INCENP: variants seen among roughly 807,000 people sequenced by gnomAD.
The protein encoded by INCENP is binds and activates aurora-B and -C in vivo and in vitro.
INCENP carries 43 observed loss-of-function variants against 107.3 expected under a neutral mutation model. That is an observed-to-expected ratio of 0.40 (90% CI 0.31 to 0.52). INCENP has a LOEUF of 0.52. INCENP is among the 20% of genes least tolerant of loss of function. INCENP has a pLI of 0.53. For synonymous variants in INCENP, 488 were observed against 494.4 expected, an observed-to-expected ratio of 0.99 and a Z score of 0.17; for missense variants, 1,089 against 1,250.9, an observed-to-expected ratio of 0.87 and a Z score of 1.95.
intron 1 of INCENP, among the ~76,000 whole-genome samples, 178 bp downstream of exon 1, chr11:62,124,341 C>T (rs765670371): frequency 3.3e-5 from 5 of 152,202 alleles, no homozygotes; most frequent in Non-Finnish European, 5.9e-5. Flanking sequence ...GTTCTCGGGC[C>T]CGAGATGCCT....
rs1943861824 is a variant in INCENP, at chr11:62,130,338, G to C, written c.811G>C (p.Ala271Pro). The C allele has an allele frequency of 6.2e-7, 1 of 1,611,758 alleles. No individual in the cohort carries two copies. The highest frequency in any genetic ancestry group is 8.5e-7 in the Non-Finnish European group (1 of 1,179,982). The change falls in exon 4 of 19, where the codon GCC becomes CCC. Residue 271 changes from alanine to proline, a missense_variant. Physicochemically the swap from Ala to Pro is conservative, Grantham distance 27. Coordinates refer to ENST00000394818, the MANE Select transcript of INCENP (RefSeq NM_001040694.2). Reference protein sequence around the residue: ...QVSPGPRDSPAFPDSPWRERV... With the variant: ...QVSPGPRDSPPFPDSPWRERV... ...CTCCCCTGGCCCACGGGACTCGCCA[G>C]CCTTTCCAGATTCTCCATGGCGGGA... is the stretch of plus-strand genomic sequence containing the variant.
intron 2 of INCENP, 114 bp from the exon 3 acceptor site, chr11:62,128,656 G>A (rs1943810836): frequency 2.6e-6 from 2 of 768,394 alleles, no homozygotes; most frequent in Non-Finnish European, 4.6e-6. Context: ...CTTGGTGCTG[G>A]ACACCCCAGC....
rs775596851 is a variant in INCENP at position 62,140,700 on chromosome 11, G to A, written c.1344-4G>A. 1 of 1,558,298 alleles carries A rather than the reference G, an allele frequency of 6.4e-7. No homozygotes were observed. The highest frequency in any genetic ancestry group is 8.7e-7 in the Non-Finnish European group (1 of 1,152,434). Reference sequence around the variant, plus strand: ...CTGTGATGCCGCCGCCCGCGCCTTGGCAGGAGGAAGCGCAGCTACAAGCAG... The same window carrying A: ...CTGTGATGCCGCCGCCCGCGCCTTGACAGGAGGAAGCGCAGCTACAAGCAG... On this transcript the variant is annotated splice_polypyrimidine_tract_variant and splice_region_variant and intron_variant, in intron 8 of 18. Transcript: ENST00000394818.
chr11:62,137,792 T>G (rs755747132), intron 4 of INCENP, 40 bp from the exon 5 acceptor site: 2 of 1,602,424 alleles, frequency 1.2e-6, no homozygotes, highest in Non-Finnish European at 8.6e-7. Flanking sequence ...ACCTGTGTGG[T>G]CTCTGATGAG....
intron 4 of INCENP, among the ~76,000 whole-genome samples, chr11:62,133,544 G>A (rs1268509335): frequency 6.6e-6 from 1 of 152,198 alleles, no homozygotes; most frequent in Non-Finnish European, 1.5e-5. Context: ...TTGGAGAACA[G>A]TCCTTCCATC....
chr11:62,149,751 T>C, intron 17 of INCENP, among the ~76,000 whole-genome samples: 1 of 151,940 alleles, frequency 6.6e-6, no homozygotes, highest in Non-Finnish European at 1.5e-5. Context: ...TGAAACCCAG[T>C]CTCTACTAAA....
At chr11:62,137,967 C>G in intron 5 of INCENP, 84 bp downstream of exon 5, 1 of 1,261,632 alleles carries the variant, frequency 7.9e-7, no homozygotes, top group Non-Finnish European at 1.2e-6. Context: ...GGAAGCAATT[C>G]CTGGGCTGAG....
chr11:62,146,572 C>G, intron 14 of INCENP, 86 bp from the exon 15 acceptor site: 1 of 1,516,968 alleles, frequency 6.6e-7, no homozygotes, highest in Non-Finnish European at 8.8e-7. Flanking sequence ...ATATGAGGGG[C>G]ACCTGGGCTT....
chr11:62,141,084 G>A (rs765063765), intron 10 of INCENP, 40 bp downstream of exon 10: 3 of 1,590,142 alleles, frequency 1.9e-6, no homozygotes, highest in South Asian at 2.3e-5. Context: ...GTGGGAGCTG[G>A]GCAGTGTGGC....
chr11:62,134,959 G>GAGGATT lies in INCENP; in HGVS notation c.1064-2872_1064-2867dup, dbSNP rs531906190. On this transcript the variant is annotated intron_variant, in intron 4 of 18. Transcript: ENST00000394818. ...CCAGCTACTCAGGAAGCTGAGGCAG[G>GAGGATT]AGGATTGCTTGAAACCGGGAGGTGG... 3.3e-3 allele frequency among the ~76,000 whole-genome samples: 502 copies of GAGGATT among 152,270 alleles called. 3 individuals carry two copies. The highest frequency in any genetic ancestry group is 0.012 in the African/African-American group (486 of 41,552).
At chr11:62,141,999 G>T (rs1260375453) in intron 11 of INCENP, among the ~76,000 whole-genome samples, 1 of 152,194 alleles carries the variant, frequency 6.6e-6, no homozygotes, top group African/African-American at 2.4e-5. Context: ...TTGCTGTGCT[G>T]GGTGACAGTA....
At chr11:62,133,423 C>T (rs1362615388) in intron 4 of INCENP, among the ~76,000 whole-genome samples, 1 of 152,056 alleles carries the variant, frequency 6.6e-6, no homozygotes, top group Non-Finnish European at 1.5e-5. Flanking sequence ...GCCTCCTGGC[C>T]TGGTGCGCAC....
In INCENP at chr11:62,124,078, C is replaced by G. The variant is rs1313531724; in HGVS notation, c.-97C>G. ...GCGGTGAGTCCCGAAGGCCCGGAGC[C>G]AAGTGGGTCTGGGCAAGCGGGGCCT... is the stretch of plus-strand genomic sequence containing the variant. On this transcript the variant is annotated 5_prime_UTR_variant, in exon 1 of 19. Transcript: ENST00000394818. The G allele has an allele frequency of 1.3e-5, 2 of 152,264 alleles. No homozygotes were observed. The highest frequency in any genetic ancestry group is 4.8e-5 in the African/African-American group (2 of 41,466). The allele number at this position is 152,264 out of a possible 1,614,324, so 9.4% of individuals were successfully genotyped here. A position where few individuals can be genotyped will look rare whatever the true frequency, so the allele number is the denominator to read the frequency against.
At chr11:62,139,081 C>T (rs1200578921) in intron 7 of INCENP, 76 bp downstream of exon 7, 2 of 1,020,872 alleles carry the variant, frequency 2.0e-6, no homozygotes, top group Non-Finnish European at 1.5e-6. Context: ...GACCTTCTCT[C>T]TGGGGATAAG....
At chr11:62,125,281 G>A (rs559137398) in intron 1 of INCENP, among the ~76,000 whole-genome samples, 2 of 152,302 alleles carry the variant, frequency 1.3e-5, no homozygotes, top group Non-Finnish European at 1.5e-5. Context: ...AAACCTCCCC[G>A]TGAAAGAAGT....
chr11:62,134,277 G>A (rs1235525117), intron 4 of INCENP, among the ~76,000 whole-genome samples: 1 of 152,072 alleles, frequency 6.6e-6, no homozygotes, highest in Non-Finnish European at 1.5e-5. Flanking sequence ...GCCAGGTATG[G>A]TGGCATGTGC....
Position 62,150,204 on chromosome 11 carries a change from C to T in INCENP, c.2539C>T (p.Arg847Ter). 6.2e-7 allele frequency: 1 copy of T among 1,613,872 alleles called. No homozygotes were observed. Among genetic ancestry groups the T allele is most frequent in the Non-Finnish European group, 8.5e-7 (1 of 1,179,980 alleles). The part of the protein sequence containing the change: ...HPRKPIPTWA[R>*]GTPLSQAIIH... ...CCGGAAGCCCATCCCCACCTGGGCC[C>T]GAGGTAAGCAAAGCCCACAGCTCCC... Residue 847 changes from arginine (R) to a stop codon, truncating the protein, a stop_gained, in exon 18 of 19, where the codon CGA becomes TGA. Transcript: ENST00000394818. LOFTEE classifies it high-confidence loss of function.
intron 5 of INCENP, 107 bp downstream of exon 5, chr11:62,137,990 A>G: frequency 9.8e-7 from 1 of 1,021,312 alleles, no homozygotes; most frequent in Non-Finnish European, 1.6e-6. Context: ...TTCCCCACTG[A>G]GCCTTGACCG....
chr11:62,141,534 G>A lies in INCENP; in HGVS notation c.1605+23G>A, dbSNP rs759213169. The A allele has an allele frequency of 5.0e-6, 8 of 1,613,830 alleles. No individual in the cohort carries two copies. The Admixed American group carries it at 5.0e-5, about 10-fold the overall frequency. On this transcript the variant is annotated intron_variant, in intron 11 of 18. Coordinates refer to ENST00000394818, the MANE Select transcript of INCENP (RefSeq NM_001040694.2). Reference sequence around the variant, plus strand: ...GTCGTAAGTAAAGCCTTTTCCTGTCGGTAACCTCGCCCCACCTAGCACTCA... The same window carrying A: ...GTCGTAAGTAAAGCCTTTTCCTGTCAGTAACCTCGCCCCACCTAGCACTCA...
Sources: allele counts gnomAD v4.1 joint callset (sites outside exome capture counted in the v4.1 genomes callset), GRCh38; gene constraint gnomAD v4.1.1; transcripts MANE v1.5; gene names NCBI Gene and HGNC (gene_info 2026-07-23, HGNC 2026-07-21).